KCNT2: variants seen among roughly 807,000 people sequenced by gnomAD.
KCNT2 encodes the protein potassium channel subfamily T member 2.
A neutral mutation model predicts 153.8 loss-of-function variants in KCNT2; 67 were observed. The observed-to-expected ratio is 0.44, with a 90% CI of 0.36 to 0.53. The LOEUF (loss-of-function observed/expected upper bound fraction) is 0.53. Ranked by LOEUF, KCNT2 falls within the 20% of genes least tolerant of loss-of-function variation. KCNT2 has a pLI of 0.00. For synonymous variants in KCNT2, 500 were observed against 458.8 expected (o/e 1.09, Z -1.15); for missense variants, 975 against 1,354.8 (o/e 0.72, Z 4.40).
At chr1:196,437,334 TTTTA>T (rs1303136979) in intron 8 of KCNT2, among the ~76,000 whole-genome samples, 11 of 136,968 alleles carry the variant, frequency 8.0e-5, no homozygotes, top group Non-Finnish European at 1.4e-4. Flanking sequence ...ATAAACATAT[TTTTA>T]TTTATTTTTA....
At chr1:196,374,635 T>C (rs1332194679) in intron 13 of KCNT2, among the ~76,000 whole-genome samples, 4 of 151,820 alleles carry the variant, frequency 2.6e-5, no homozygotes, top group African/African-American at 9.7e-5. Context: ...AGATTCTAGA[T>C]ACAATTTTGA....
At chr1:196,482,193 G>A in intron 4 of KCNT2, 138 bp downstream of exon 4, 2 of 617,816 alleles carry the variant, frequency 3.2e-6, no homozygotes, top group Admixed American at 3.6e-5. Flanking sequence ...AAATGAAAAT[G>A]TTAGTCCAAG....
rs1347967457 is a variant in KCNT2 at position 196,285,652 on chromosome 1, T to G, written c.2697+5A>C. On this transcript the variant is annotated splice_donor_5th_base_variant and intron_variant, in intron 23 of 27. Transcript: ENST00000294725. ...TTAGAGAAAATAAAAAGAAATATTG[T>G]ATACCTGATACAGCAGAGTGTCCAA... 6.4e-7 allele frequency: 1 copy of G among 1,553,922 alleles called. No individual in the cohort carries two copies. The highest frequency in any genetic ancestry group is 1.7e-5 in the Admixed American group (1 of 58,608).
intron 16 of KCNT2, among the ~76,000 whole-genome samples, chr1:196,339,039 T>C (rs1665331229): frequency 6.7e-6 from 1 of 149,450 alleles, no homozygotes; most frequent in South Asian, 2.1e-4. Context: ...AATTTGAATA[T>C]GCTGTGCCAG....
At chr1:196,503,105 T>C (rs1283640955) in intron 1 of KCNT2, among the ~76,000 whole-genome samples, 1 of 151,874 alleles carries the variant, frequency 6.6e-6, no homozygotes, top group Non-Finnish European at 1.5e-5. Context: ...AATTTAGGCC[T>C]GTAATAAATT....
chr1:196,263,860 C>T (rs1204275443), intron 25 of KCNT2, among the ~76,000 whole-genome samples: 1 of 152,102 alleles, frequency 6.6e-6, no homozygotes, highest in Non-Finnish European at 1.5e-5. Flanking sequence ...TTATTTCCAT[C>T]TCCTTTTTAT....
chr1:196,585,254 T>C (rs1558107264), intron 1 of KCNT2, among the ~76,000 whole-genome samples: 2 of 152,094 alleles, frequency 1.3e-5, no homozygotes, highest in African/African-American at 4.8e-5. Context: ...AAAAACTAGC[T>C]ATAACCTTAA....
At chr1:196,592,079 C>T (rs935100896) in intron 1 of KCNT2, among the ~76,000 whole-genome samples, 1 of 151,992 alleles carries the variant, frequency 6.6e-6, no homozygotes, top group Non-Finnish European at 1.5e-5. Context: ...CTCTTCACAC[C>T]TATGTTTGTT....
intron 26 of KCNT2, chr1:196,257,348 C>T (rs1352857891): frequency 3.1e-6 from 3 of 980,120 alleles, no homozygotes; most frequent in African/African-American, 1.7e-5. Context: ...AGAACATTGC[C>T]TCATGTTGAG....
At chr1:196,332,610 C>T (rs145082675) in intron 17 of KCNT2, among the ~76,000 whole-genome samples, 35 of 152,178 alleles carry the variant, frequency 2.3e-4, no homozygotes, top group South Asian at 8.3e-4. Flanking sequence ...GATTATGCTG[C>T]CAATGCCACT....
At chr1:196,443,557 C>A (rs1050246973) in intron 8 of KCNT2, among the ~76,000 whole-genome samples, 2 of 151,436 alleles carry the variant, frequency 1.3e-5, no homozygotes, top group Non-Finnish European at 3.0e-5. Flanking sequence ...ACAGTTCATA[C>A]CACAAAAGTA....
chr1:196,422,104 C>T (rs1673258907), intron 12 of KCNT2, among the ~76,000 whole-genome samples: 1 of 151,924 alleles, frequency 6.6e-6, no homozygotes, highest in Admixed American at 6.6e-5. Context: ...CTAATAGCAG[C>T]CCACTCCAAA....
intron 26 of KCNT2, chr1:196,257,522 C>T (rs1004034876): frequency 3.1e-6 from 3 of 958,942 alleles, no homozygotes; most frequent in African/African-American, 3.5e-5. Context: ...TTTGACTGGA[C>T]TAAATATCTT....
chr1:196,335,427 G>A (rs1460132591), intron 16 of KCNT2, among the ~76,000 whole-genome samples: 1 of 152,068 alleles, frequency 6.6e-6, no homozygotes, highest in East Asian at 1.9e-4. Context: ...ATATGGTATA[G>A]CCTACTGCTC....
chr1:196,602,275 A>T lies in KCNT2; in HGVS notation c.95+5940T>A, dbSNP rs182704614. Among the ~76,000 whole-genome samples the T allele has an allele frequency of 1.5e-4, 23 of 152,378 alleles. 1 individual carries two copies. The highest frequency in any genetic ancestry group is 2.2e-4 in the African/African-American group (9 of 41,592). On this transcript the variant is annotated intron_variant, in intron 1 of 27. Coordinates refer to ENST00000294725, the MANE Select transcript of KCNT2 (RefSeq NM_198503.5). The stretch of plus-strand genomic sequence containing the variant: ...ACTGGTTACCGTTTTACTGTAAAAA[A>T]TATTGCTTTTTGCTTTATTTTCTAA...
chr1:196,599,429 T>C (rs188057335), intron 1 of KCNT2, among the ~76,000 whole-genome samples: 2 of 152,330 alleles, frequency 1.3e-5, no homozygotes, highest in African/African-American at 4.8e-5. Flanking sequence ...CACTGTTTCT[T>C]AGATTTACTG....
At chr1:196,347,189 T>C (rs569130704) in intron 14 of KCNT2, among the ~76,000 whole-genome samples, 27 of 152,260 alleles carry the variant, frequency 1.8e-4, no homozygotes, top group African/African-American at 5.8e-4. Flanking sequence ...AATGCCAAGT[T>C]TTTGTACCTT....
intron 22 of KCNT2, among the ~76,000 whole-genome samples, chr1:196,304,220 A>G (rs901056554): frequency 6.6e-6 from 1 of 152,140 alleles, no homozygotes; most frequent in African/African-American, 2.4e-5. Context: ...ACTCAACAAT[A>G]TGTTTCCCAG....
At chr1:196,260,129 T>G (rs1185027809) in intron 25 of KCNT2, among the ~76,000 whole-genome samples, 1 of 151,884 alleles carries the variant, frequency 6.6e-6, no homozygotes. Context: ...CTTAAATTTA[T>G]TTGAAGTGAT....
Sources: gnomAD v4.1 joint callset for allele counts (sites outside exome capture counted in the v4.1 genomes callset) on GRCh38, gnomAD v4.1.1 for gene constraint, MANE v1.5 for transcripts, NCBI Gene and HGNC (gene_info 2026-07-23, HGNC 2026-07-21) for gene names.